Variants in RAVER2 observed in about 807,000 individuals in gnomAD.
The protein encoded by RAVER2 is ribonucleoprotein PTB-binding 2.
In RAVER2, 46 loss-of-function variants were observed where a neutral mutation model predicts 78.1. The observed-to-expected ratio is 0.59, with a 90% CI of 0.46 to 0.75. The LOEUF (loss-of-function observed/expected upper bound fraction) is 0.75. Among genes scored for constraint, RAVER2 ranks in the 30% least tolerant of loss-of-function variants. The pLI, the probability that RAVER2 is intolerant of heterozygous loss-of-function variation, is 0.00. For missense variants in RAVER2, 793 were observed against 837.5 expected (o/e 0.95, Z 0.66); for synonymous variants, 311 against 313.3 (o/e 0.99, Z 0.08).
exon 4 of RAVER2, chr1:64,781,570 T>C (rs1652630279): frequency 6.2e-7 from 1 of 1,607,156 alleles, no homozygotes; most frequent in African/African-American, 1.3e-5. Context: ...GCTCAACGTG[T>C]GGTAAGTTTT....
Position 64,766,059 on chromosome 1 carries a change from T to C in RAVER2, c.250-2597T>C, listed in dbSNP as rs143971809. ...ACTGACTGCTTTGCCATGGAAGCTA[T>C]TGATCGTCTCTCCAGAAAGCATTTC... is the stretch of plus-strand genomic sequence containing the variant. On this transcript the variant is annotated intron_variant, in intron 1 of 11. Coordinates refer to ENST00000294428, the Ensembl canonical transcript of RAVER2. Among the ~76,000 whole-genome samples, 62 of 152,288 alleles carry C rather than the reference T, an allele frequency of 4.1e-4. No individual in the cohort carries two copies. The East Asian group carries it at 0.012, about 29-fold the overall frequency.
chr1:64,809,013 A>C (rs1653526305), intron 9 of RAVER2, among the ~76,000 whole-genome samples: 1 of 152,200 alleles, frequency 6.6e-6, no homozygotes, highest in African/African-American at 2.4e-5. Context: ...CCTGTGAAGA[A>C]GAATTCAGGA....
chr1:64,790,971 A>G (rs1251664208), intron 5 of RAVER2, among the ~76,000 whole-genome samples: 2 of 152,176 alleles, frequency 1.3e-5, no homozygotes, highest in African/African-American at 2.4e-5. Flanking sequence ...TCTCCAGGCC[A>G]TGTGCACTTC....
At position 64,745,774 on chromosome 1, in the gene RAVER2, G is replaced by A. The variant is rs1235146038; in HGVS notation, c.249+353G>A. ...GTGAGTTGTGGAGCACACATTTTGCGGGGGGGAGCGGGGGTAGAGGGGGCC... is the reference window on the plus strand; with the variant it reads ...GTGAGTTGTGGAGCACACATTTTGCAGGGGGGAGCGGGGGTAGAGGGGGCC... On this transcript the variant is annotated intron_variant, in intron 1 of 11. Transcript: ENST00000294428. This position sits in a 1 kb window ranked among gnomAD's most constrained non-coding sequence, Gnocchi z 4.3. Among the ~76,000 whole-genome samples, 1 of 151,890 alleles carries A rather than the reference G, an allele frequency of 6.6e-6. No homozygotes were observed. The highest frequency in any genetic ancestry group is 2.4e-5 in the African/African-American group (1 of 41,360).
At chr1:64,808,641 T>C (rs1286201895) in intron 9 of RAVER2, among the ~76,000 whole-genome samples, 1 of 151,960 alleles carries the variant, frequency 6.6e-6, no homozygotes, top group Non-Finnish European at 1.5e-5. Context: ...TTTGTATTTT[T>C]AGTAGAGATG....
intron 1 of RAVER2, among the ~76,000 whole-genome samples, chr1:64,758,843 G>A (rs10218710): frequency 0.03 from 4,551 of 151,362 alleles, 219 homozygotes; most frequent in African/African-American, 0.11. Flanking sequence ...GTCATTTGTT[G>A]CACAATAATA....
exon 9 of RAVER2, chr1:64,807,209 C>G (rs768012553): frequency 1.2e-6 from 2 of 1,612,386 alleles, no homozygotes; most frequent in South Asian, 2.2e-5. Flanking sequence ...GCTACAGCAT[C>G]TAGCCTGATT....
chr1:64,749,335 C>T (rs1473265073), intron 1 of RAVER2, among the ~76,000 whole-genome samples: 3 of 151,780 alleles, frequency 2.0e-5, no homozygotes, highest in Non-Finnish European at 2.9e-5. Context: ...CTCAGCCTCC[C>T]GAGTAGCTGG....
chr1:64,750,682 A>G (rs371860482), intron 1 of RAVER2, among the ~76,000 whole-genome samples: 20 of 152,150 alleles, frequency 1.3e-4, no homozygotes, highest in African/African-American at 4.1e-4. Flanking sequence ...TTTTTAAAAT[A>G]GGGCTATTAT....
chr1:64,746,794 AG>A (rs1252154581), intron 1 of RAVER2, among the ~76,000 whole-genome samples: 1 of 152,210 alleles, frequency 6.6e-6, no homozygotes, highest in Non-Finnish European at 1.5e-5. Context: ...ATTTCTTGGA[AG>A]CAGCCTCCCC....
chr1:64,791,774 GT>G (rs1652949463), intron 5 of RAVER2, among the ~76,000 whole-genome samples: 1 of 152,164 alleles, frequency 6.6e-6, no homozygotes, highest in East Asian at 1.9e-4. Context: ...TTACTGGAAA[GT>G]TTTTATATTA....
chr1:64,775,791 G>A (rs1194836194), intron 2 of RAVER2, among the ~76,000 whole-genome samples: 1 of 152,124 alleles, frequency 6.6e-6, no homozygotes, highest in East Asian at 1.9e-4. Context: ...GGTTGAGGTT[G>A]GTGGATCACT....
At chr1:64,832,814 A>ACTT (rs1296620129) in exon 12 of RAVER2, 1 of 152,208 alleles carries the variant, frequency 6.6e-6, no homozygotes, top group African/African-American at 2.4e-5. Flanking sequence ...CAGGCCCTGC[A>ACTT]CTTCTCTTTC....
At position 64,745,603 on chromosome 1, in the gene RAVER2, G is replaced by A. The variant is rs1326534115; in HGVS notation, c.249+182G>A. On this transcript the variant is annotated intron_variant, in intron 1 of 11. Transcript: ENST00000294428. This position sits in a 1 kb window ranked among gnomAD's most constrained non-coding sequence, Gnocchi z 4.3. ...TCTAGCCTGCAGACGCCCTGCCAGG[G>A]AGGGGGGCAGATTGGGAAACTGAGG... 1.3e-5 allele frequency among the ~76,000 whole-genome samples: 2 copies of A among 152,142 alleles called. No individual in the cohort carries two copies. The highest frequency in any genetic ancestry group is 2.9e-5 in the Non-Finnish European group (2 of 68,016).
chr1:64,796,064 C>T (rs1653087225), intron 5 of RAVER2, among the ~76,000 whole-genome samples: 1 of 151,886 alleles, frequency 6.6e-6, no homozygotes, highest in Admixed American at 6.6e-5. Flanking sequence ...TTTTTCCTAT[C>T]TGTTAACATG....
chr1:64,751,033 A>G (rs1217648160), intron 1 of RAVER2, among the ~76,000 whole-genome samples: 1 of 152,246 alleles, frequency 6.6e-6, no homozygotes, highest in African/African-American at 2.4e-5. Context: ...GTTCTCTGCT[A>G]TGAAAACACA....
chr1:64,820,742 C>G (rs747515670), intron 11 of RAVER2, among the ~76,000 whole-genome samples: 1 of 152,184 alleles, frequency 6.6e-6, no homozygotes, highest in Admixed American at 6.5e-5. Context: ...AAGACATGAG[C>G]TCGTTCTTTT....
At chr1:64,785,472 C>T (rs553636170) in intron 4 of RAVER2, among the ~76,000 whole-genome samples, 4 of 151,178 alleles carry the variant, frequency 2.6e-5, no homozygotes, top group South Asian at 2.1e-4. Context: ...CGGGTTCAAG[C>T]GACTCTCGTG....
intron 5 of RAVER2, among the ~76,000 whole-genome samples, chr1:64,802,458 G>A (rs1369733826): frequency 6.6e-6 from 1 of 152,098 alleles, no homozygotes; most frequent in Non-Finnish European, 1.5e-5. Context: ...GCGATTATGA[G>A]TATTGTTACC....
Sources: gnomAD v4.1 joint callset for allele counts (sites outside exome capture counted in the v4.1 genomes callset) on GRCh38, gnomAD v4.1.1 for gene constraint, Gnocchi (gnomAD v3.1) non-coding constraint, MANE v1.5 for transcripts, NCBI Gene and HGNC (gene_info 2026-07-23, HGNC 2026-07-21) for gene names.